Variants in ANKRD18A observed in about 807,000 individuals in gnomAD.
ANKRD18A encodes ankyrin repeat domain 18A, also known as ankyrin repeat domain-containing protein 18A.
A neutral mutation model predicts 110.6 loss-of-function variants in ANKRD18A; 72 were observed. The ratio of observed to expected loss-of-function variants is 0.65; its 90% CI spans 0.54 to 0.79. The LOEUF (loss-of-function observed/expected upper bound fraction) is 0.79, where lower values mean the gene tolerates loss of function less well. ANKRD18A is among the 30% of genes least tolerant of loss of function. The probability of loss-of-function intolerance (pLI) is 0.00; values close to 1 mark genes in which losing one functional copy is unlikely to be tolerated. For missense variants in ANKRD18A, 934 were observed against 1,163.3 expected, an observed-to-expected ratio of 0.80 and a Z score of 2.87; for synonymous variants, 305 against 410.3, an observed-to-expected ratio of 0.74 and a Z score of 3.10.
intron 8 of ANKRD18A, among the ~76,000 whole-genome samples, chr9:38,599,854 T>C (rs1825047715): frequency 6.6e-6 from 1 of 152,210 alleles, no homozygotes; most frequent in Admixed American, 6.5e-5. Context: ...GACATTTTTT[T>C]GCAGGTGCAA....
At chr9:38,589,511 C>A (rs983257658) in intron 10 of ANKRD18A, among the ~76,000 whole-genome samples, 1 of 152,202 alleles carries the variant, frequency 6.6e-6, no homozygotes, top group Non-Finnish European at 1.5e-5. Context: ...AACTGTAAGC[C>A]TGCTTCAAGC....
chr9:38,616,328 C>G (rs1385227843), intron 1 of ANKRD18A, among the ~76,000 whole-genome samples: 2 of 152,188 alleles, frequency 1.3e-5, no homozygotes, highest in Non-Finnish European at 2.9e-5. Context: ...CTTTCTGTGC[C>G]TGAATTTCCT....
At chr9:38,611,728 A>C (rs1825629457) in intron 3 of ANKRD18A, among the ~76,000 whole-genome samples, 1 of 152,172 alleles carries the variant, frequency 6.6e-6, no homozygotes, top group Non-Finnish European at 1.5e-5. Context: ...TAAATTAATG[A>C]TCTAAATTAT....
intron 10 of ANKRD18A, among the ~76,000 whole-genome samples, chr9:38,592,552 T>C (rs635016): frequency 6.6e-6 from 1 of 152,168 alleles, no homozygotes; most frequent in Non-Finnish European, 1.5e-5. Flanking sequence ...CTGGTGCTGA[T>C]ATCTGCCCAA....
intron 5 of ANKRD18A, 85 bp downstream of exon 5, chr9:38,610,188 T>C (rs1271862415): frequency 2.4e-5 from 34 of 1,413,962 alleles, no homozygotes; most frequent in Non-Finnish European, 3.1e-5. Flanking sequence ...AACTATGAAC[T>C]GTCACCTAAT....
chr9:38,588,173 T>C (rs1824466103), intron 11 of ANKRD18A, among the ~76,000 whole-genome samples: 1 of 152,190 alleles, frequency 6.6e-6, no homozygotes, highest in African/African-American at 2.4e-5. Flanking sequence ...GTTTCTTTTT[T>C]CACATATTTT....
intron 3 of ANKRD18A, among the ~76,000 whole-genome samples, chr9:38,612,645 G>A (rs1276151785): frequency 1.3e-5 from 2 of 150,694 alleles, no homozygotes; most frequent in African/African-American, 2.4e-5. Flanking sequence ...AGCCTCCCAA[G>A]TAGCTGGAAC....
intron 3 of ANKRD18A, among the ~76,000 whole-genome samples, chr9:38,614,234 T>TTTTTTTTTTTTTC (rs1825762760): frequency 7.3e-6 from 1 of 136,980 alleles, no homozygotes; most frequent in Non-Finnish European, 1.5e-5. Context: ...TTTTTTTTTT[T>TTTTTTTTTTTTTC]TTTTTTTTTG....
chr9:38,619,807 G>A (rs1408047561), intron 1 of ANKRD18A, among the ~76,000 whole-genome samples: 1 of 152,150 alleles, frequency 6.6e-6, no homozygotes, highest in Non-Finnish European at 1.5e-5. Context: ...TTTTGACAGG[G>A]GAATGAGTTC....
In ANKRD18A at chr9:38,595,769, A is replaced by G. The variant is rs1360170292; in HGVS notation, c.1571T>C (p.Met524Thr). 1.3e-6 allele frequency: 2 copies of G among 1,551,290 alleles called. No homozygotes were observed. The highest frequency in any genetic ancestry group is 1.7e-6 in the Non-Finnish European group (2 of 1,146,660). The stretch of plus-strand genomic sequence containing the variant: ...TTCTTTAGCTTCTCCATTTGGATGC[A>G]TCTGCTTCATTTCCTTTATTCGATG... ...AQHRIKEMKQ[M>T]HPNGEAKESQ... Residue 524 changes from methionine to threonine, a missense_variant, in exon 9 of 16, where the codon ATG becomes ACG. Coordinates refer to ENST00000399703, the MANE Select transcript of ANKRD18A (RefSeq NM_147195.4).
At position 38,597,189 on chromosome 9, in the gene ANKRD18A, G is replaced by A. The variant is rs528868200; in HGVS notation, c.937-786C>T. 2.2e-3 allele frequency among the ~76,000 whole-genome samples: 333 copies of A among 152,298 alleles called. 1 individual carries two copies. Among genetic ancestry groups the A allele is most frequent in the African/African-American group, 7.6e-3 (316 of 41,570 alleles). On this transcript the variant is annotated intron_variant, in intron 8 of 15. Coordinates refer to ENST00000399703, the MANE Select transcript of ANKRD18A (RefSeq NM_147195.4). ...ACCTGGATTCTCCATGAAATAGCCA[G>A]ATTGAGAGGATGTGACCTTGTGGGG...
intron 3 of ANKRD18A, among the ~76,000 whole-genome samples, chr9:38,613,180 A>T (rs1432962255): frequency 7.2e-5 from 11 of 151,852 alleles, no homozygotes; most frequent in Admixed American, 1.3e-4. Flanking sequence ...CACAGTAGCA[A>T]ACTGGAGAAT....
At chr9:38,611,611 ATT>A in intron 3 of ANKRD18A, among the ~76,000 whole-genome samples, 1 of 152,216 alleles carries the variant, frequency 6.6e-6, no homozygotes, top group Admixed American at 6.5e-5. Context: ...TAATTATTTC[ATT>A]GTTTCCCACT....
intron 12 of ANKRD18A, among the ~76,000 whole-genome samples, chr9:38,580,343 T>C (rs1402534111): frequency 6.6e-6 from 1 of 152,198 alleles, no homozygotes; most frequent in Non-Finnish European, 1.5e-5. Context: ...GAGGCTGCAG[T>C]GAGCTATGAT....
intron 10 of ANKRD18A, among the ~76,000 whole-genome samples, chr9:38,592,838 A>G (rs1824713140): frequency 6.6e-6 from 1 of 152,200 alleles, no homozygotes; most frequent in Non-Finnish European, 1.5e-5. Flanking sequence ...AAAGGACTTC[A>G]TATTGTATGA....
At chr9:38,602,331 TAGAC>T (rs1825151492) in intron 7 of ANKRD18A, among the ~76,000 whole-genome samples, 1 of 151,692 alleles carries the variant, frequency 6.6e-6, no homozygotes, top group African/African-American at 2.4e-5. Flanking sequence ...AGCTGAGACT[TAGAC>T]AGTGAGATTC....
At chr9:38,602,708 C>T (rs1436342921) in intron 7 of ANKRD18A, among the ~76,000 whole-genome samples, 1 of 152,174 alleles carries the variant, frequency 6.6e-6, no homozygotes, top group Non-Finnish European at 1.5e-5. Context: ...TCTCACTCTG[C>T]CACCCAGGCT....
chr9:38,577,887 A>T lies in ANKRD18A; in HGVS notation c.2509T>A (p.Leu837Ile). 1.3e-6 allele frequency: 2 copies of T among 1,587,716 alleles called. No individual in the cohort carries two copies. The highest frequency in any genetic ancestry group is 1.7e-6 in the Non-Finnish European group (2 of 1,170,802). Residue 837 changes from leucine (L) to isoleucine (I), a missense_variant, in exon 13 of 16, where the codon TTA becomes ATA. By Grantham distance (5) the Leu-to-Ile change is conservative. This residue lies in a region of ANKRD18A where 223 missense variants were observed against 226.7 expected (regional missense o/e 0.98). Coordinates refer to ENST00000399703, the MANE Select transcript of ANKRD18A (RefSeq NM_147195.4). Reference sequence around the variant, plus strand: ...CTAACCTGTAAATGGATTTCTTCTAATTTTTCTATTTCCTGCACTGCCCTT... The same window carrying T: ...CTAACCTGTAAATGGATTTCTTCTATTTTTTCTATTTCCTGCACTGCCCTT... ...DERAVQEIEK[L>I]EEIHLQKQAE...
At chr9:38,591,161 G>T (rs867987770) in intron 10 of ANKRD18A, among the ~76,000 whole-genome samples, 3 of 151,306 alleles carry the variant, frequency 2.0e-5, no homozygotes, top group South Asian at 2.1e-4. Flanking sequence ...TAGAGTCAGG[G>T]TCTCACTTAT....
Sources: allele counts gnomAD v4.1 joint callset (sites outside exome capture counted in the v4.1 genomes callset), GRCh38; gene constraint gnomAD v4.1.1; regional missense constraint gnomAD v4.1.1; transcripts MANE v1.5; gene names NCBI Gene and HGNC (gene_info 2026-07-23, HGNC 2026-07-21).